Variants in PCDHA10 observed in about 807,000 individuals in gnomAD.
PCDHA10 encodes the protein protocadherin alpha-10.
In PCDHA10, 45 loss-of-function variants were observed where a neutral mutation model predicts 61.2. That is an observed-to-expected ratio of 0.74 (90% CI 0.58 to 0.94). The LOEUF is 0.94. Ranked by LOEUF, PCDHA10 falls within the 40% of genes least tolerant of loss-of-function variation. PCDHA10 has a pLI of 0.00. For synonymous variants in PCDHA10, 602 were observed against 548.8 expected, an observed-to-expected ratio of 1.10 and a Z score of -1.35; for missense variants, 1,278 against 1,236.2, an observed-to-expected ratio of 1.03 and a Z score of -0.51.
At chr5:140,933,513 G>A (rs2089204044) in intron 1 of PCDHA10, among the ~76,000 whole-genome samples, 1 of 152,012 alleles carries the variant, frequency 6.6e-6, no homozygotes, top group African/African-American at 2.4e-5. Context: ...AAAGACTACA[G>A]CTGTTTTGTT....
intron 1 of PCDHA10, chr5:140,883,883 G>A (rs1554180418): frequency 1.2e-6 from 2 of 1,613,320 alleles, no homozygotes; most frequent in South Asian, 1.1e-5. Flanking sequence ...GAGCGCGCGC[G>A]ACTCTGGCGT....
chr5:140,958,242 T>A (rs1375619471), intron 1 of PCDHA10, among the ~76,000 whole-genome samples: 1 of 152,120 alleles, frequency 6.6e-6, no homozygotes, highest in Non-Finnish European at 1.5e-5. Context: ...TTTTTAACAA[T>A]TCTGAACAAA....
chr5:140,980,265 A>G (rs1041506600), intron 2 of PCDHA10, among the ~76,000 whole-genome samples: 1 of 152,258 alleles, frequency 6.6e-6, no homozygotes, highest in Non-Finnish European at 1.5e-5. Flanking sequence ...CATGGTTTAC[A>G]GTACCAACTC....
At chr5:140,870,461 C>G in intron 1 of PCDHA10, 2 of 1,614,246 alleles carry the variant, frequency 1.2e-6, no homozygotes, top group Admixed American at 3.3e-5. Context: ...AATGCGCCTG[C>G]GTTCGCACAG....
chr5:140,991,482 G>A (rs781952323), intron 3 of PCDHA10, among the ~76,000 whole-genome samples: 3 of 152,204 alleles, frequency 2.0e-5, no homozygotes, highest in Non-Finnish European at 4.4e-5. Flanking sequence ...CTGGAAGTCA[G>A]AAGTCCACAG....
At chr5:140,968,036 A>G (rs1554230231) in intron 1 of PCDHA10, 1 of 1,614,042 alleles carries the variant, frequency 6.2e-7, no homozygotes, top group African/African-American at 1.3e-5. Context: ...ACTGGTGGTG[A>G]GCGGCCCACT....
chr5:140,913,518 A>G (rs1375122197), intron 1 of PCDHA10, among the ~76,000 whole-genome samples: 2 of 151,902 alleles, frequency 1.3e-5, no homozygotes, highest in Non-Finnish European at 2.9e-5. Context: ...AATTTTATTT[A>G]TCTTTTCAAA....
intron 1 of PCDHA10, chr5:140,967,260 C>G: frequency 6.2e-7 from 1 of 1,613,500 alleles, no homozygotes; most frequent in Non-Finnish European, 8.5e-7. Flanking sequence ...GCGCCTGGAG[C>G]GCGCTTTCAC....
intron 1 of PCDHA10, chr5:140,966,679 G>T: frequency 1.5e-6 from 2 of 1,317,678 alleles, no homozygotes; most frequent in Admixed American, 3.8e-5. Context: ...AGGGTGGCAC[G>T]AGCGGAGGCG....
intron 1 of PCDHA10, among the ~76,000 whole-genome samples, chr5:140,887,392 G>A (rs1484199271): frequency 1.3e-5 from 2 of 152,024 alleles, no homozygotes; most frequent in African/African-American, 2.4e-5. Context: ...CACCGCGCCC[G>A]GCTCTTTATC....
chr5:140,873,025 C>T (rs1206957639), intron 1 of PCDHA10, among the ~76,000 whole-genome samples: 1 of 152,148 alleles, frequency 6.6e-6, no homozygotes, highest in African/African-American at 2.4e-5. Context: ...GTTATTCTTA[C>T]TACACGTAGA....
intron 3 of PCDHA10, among the ~76,000 whole-genome samples, chr5:140,990,652 A>T (rs1023448596): frequency 1.3e-4 from 20 of 152,208 alleles, no homozygotes; most frequent in Admixed American, 1.3e-3. Flanking sequence ...GCCAGTATGA[A>T]TGATTTACAT....
At chr5:140,875,324 C>G in intron 1 of PCDHA10, 2 of 1,426,280 alleles carry the variant, frequency 1.4e-6, no homozygotes, top group Non-Finnish European at 1.8e-6. Flanking sequence ...CAATCATTCA[C>G]GGAATAGGAT....
chr5:141,005,701 CA>C (rs59860837), intron 3 of PCDHA10, among the ~76,000 whole-genome samples: 201 of 7,776 alleles, frequency 0.026, no homozygotes, highest in African/African-American at 0.052. Flanking sequence ...AACTCCGTCT[CA>C]AAAAAAAAAA....
rs781930086 is a variant in PCDHA10, at chr5:140,857,347, G to C, written c.1299G>C (p.Pro433=). Residue 433 remains proline, a synonymous_variant, in exon 1 of 4, where the codon CCG becomes CCC. Coordinates refer to ENST00000307360, the MANE Select transcript of PCDHA10 (RefSeq NM_018901.4). The part of the protein sequence containing the change: ...VVTARDGGSP[P]LWATASVSVE... The stretch of plus-strand genomic sequence containing the variant: ...CCGCGCGGGACGGGGGCTCGCCTCC[G>C]CTGTGGGCCACGGCCAGCGTGTCTG... 2.9e-5 allele frequency: 46 copies of C among 1,598,352 alleles called. 5 individuals are homozygous for C. In the Admixed American group the frequency reaches 3.4e-4, roughly 12 times the overall value.
chr5:141,005,049 T>C (rs1248594838), intron 3 of PCDHA10, among the ~76,000 whole-genome samples: 6 of 152,264 alleles, frequency 3.9e-5, no homozygotes, highest in African/African-American at 1.4e-4. Context: ...TACCATTTAC[T>C]GAATTCTTGC....
rs782169362 is a variant in PCDHA10 at position 140,979,015 on chromosome 5, T to A, written c.2447+8T>A. The A allele has an allele frequency of 6.2e-7, 1 of 1,613,920 alleles. No homozygotes were observed. Among genetic ancestry groups the A allele is most frequent in the Non-Finnish European group, 8.5e-7 (1 of 1,179,908 alleles). On this transcript the variant is annotated splice_region_variant and intron_variant, in intron 2 of 3. Coordinates refer to ENST00000307360, the MANE Select transcript of PCDHA10 (RefSeq NM_018901.4). ...GAGAGCAGGCATGCACAGGTATGTA[T>A]TTCCCTCCTCATTCACTCAGAAGTA...
At chr5:140,861,605 T>C in intron 1 of PCDHA10, 2 of 362,576 alleles carry the variant, frequency 5.5e-6, no homozygotes, top group Non-Finnish European at 1.1e-5. Context: ...TGAAGAACAA[T>C]AAAGACAACC....
At chr5:140,884,688 C>T in intron 1 of PCDHA10, 1 of 1,535,868 alleles carries the variant, frequency 6.5e-7, no homozygotes, top group Non-Finnish European at 8.8e-7. Context: ...AAAAAATTGT[C>T]TTAGTAAACA....
Sources: allele counts gnomAD v4.1 joint callset (sites outside exome capture counted in the v4.1 genomes callset), GRCh38; gene constraint gnomAD v4.1.1; transcripts MANE v1.5; gene names NCBI Gene and HGNC (gene_info 2026-07-23, HGNC 2026-07-21).